The following MED13L variants were observed in gnomAD, a reference collection of about 807,000 sequenced individuals.
MED13L encodes mediator of RNA polymerase II transcription subunit 13-like.
Under a neutral mutation model 220.9 loss-of-function variants are expected in MED13L, and 7 were observed. The observed-to-expected ratio is 0.03, with a 90% CI of 0.02 to 0.06. MED13L has a LOEUF of 0.06. Ranked by LOEUF, MED13L falls within the 10% of genes least tolerant of loss-of-function variation. The probability of loss-of-function intolerance (pLI) is 1.00; values close to 1 mark genes in which losing one functional copy is unlikely to be tolerated. For missense variants in MED13L, 1,965 were observed against 2,760.5 expected, an observed-to-expected ratio of 0.71 and a Z score of 6.46; for synonymous variants, 1,011 against 1,015.2, an observed-to-expected ratio of 1.00 and a Z score of 0.08.
intron 4 of MED13L, among the ~76,000 whole-genome samples, chr12:116,085,771 C>CACAT (rs1871625264): frequency 6.6e-6 from 1 of 151,648 alleles, no homozygotes; most frequent in Non-Finnish European, 1.5e-5. Context: ...CACACACACA[C>CACAT]ACACACACAC....
chr12:115,973,983 A>G (rs74594204), intron 25 of MED13L, among the ~76,000 whole-genome samples: 7 of 152,284 alleles, frequency 4.6e-5, no homozygotes, highest in Non-Finnish European at 5.9e-5. Flanking sequence ...AGTGCAAGTT[A>G]TATCTGTACC....
chr12:116,095,629 G>GT (rs1407721248), intron 4 of MED13L, among the ~76,000 whole-genome samples: 24 of 152,272 alleles, frequency 1.6e-4, no homozygotes, highest in Non-Finnish European at 1.3e-4. Flanking sequence ...AAACTACTAT[G>GT]TAAGGCTTCA....
intron 4 of MED13L, among the ~76,000 whole-genome samples, chr12:116,087,361 A>C (rs1565870758): frequency 6.6e-6 from 1 of 152,238 alleles, no homozygotes; most frequent in Non-Finnish European, 1.5e-5. Flanking sequence ...CTAATGAGGA[A>C]AAAAATGTTA....
chr12:116,172,525 T>C (rs1199863708), intron 2 of MED13L, among the ~76,000 whole-genome samples: 2 of 152,338 alleles, frequency 1.3e-5, no homozygotes, highest in East Asian at 1.9e-4. Flanking sequence ...GTATATTTTA[T>C]ACAGTTTAAG....
chr12:116,110,769 A>T (rs1218287288), intron 3 of MED13L, among the ~76,000 whole-genome samples: 1 of 152,188 alleles, frequency 6.6e-6, no homozygotes, highest in African/African-American at 2.4e-5. Flanking sequence ...AAAACACAAC[A>T]TCACTTCTAT....
chr12:116,228,368 C>A (rs1259276889), intron 2 of MED13L, among the ~76,000 whole-genome samples: 1 of 152,126 alleles, frequency 6.6e-6, no homozygotes, highest in African/African-American at 2.4e-5. Flanking sequence ...TCAGGCTGGA[C>A]TGCAGTGGCA....
At chr12:116,083,686 C>T (rs901778164) in intron 4 of MED13L, among the ~76,000 whole-genome samples, 5 of 152,116 alleles carry the variant, frequency 3.3e-5, no homozygotes, top group South Asian at 2.1e-4. Flanking sequence ...GCTGCACGTA[C>T]AAAAAGTCAT....
In MED13L at chr12:115,986,253, G is replaced by A. The variant is rs752334461; in HGVS notation, c.4338+13C>T. Reference sequence around the variant, plus strand: ...CAAGTCATAAAAAGCAATTTTCACAGTAACTTCCTCACCTCGTATACAGCA... The same window carrying A: ...CAAGTCATAAAAAGCAATTTTCACAATAACTTCCTCACCTCGTATACAGCA... On this transcript the variant is annotated intron_variant, in intron 19 of 30. Coordinates refer to ENST00000281928, the MANE Select transcript of MED13L (RefSeq NM_015335.5). The A allele has an allele frequency of 2.0e-5, 32 of 1,611,200 alleles. No homozygotes were observed. Among genetic ancestry groups the A allele is most frequent in the African/African-American group, 2.7e-5 (2 of 74,834 alleles).
intron 4 of MED13L, among the ~76,000 whole-genome samples, chr12:116,043,664 T>C (rs1881666487): frequency 6.6e-6 from 1 of 152,216 alleles, no homozygotes; most frequent in Non-Finnish European, 1.5e-5. Context: ...TTTCATAGTA[T>C]GTGTGCATGC....
chr12:116,029,847 T>G (rs1223394187), intron 4 of MED13L, among the ~76,000 whole-genome samples: 1 of 152,176 alleles, frequency 6.6e-6, no homozygotes, highest in Non-Finnish European at 1.5e-5. Flanking sequence ...AAAGAACGTA[T>G]CCTCTTTCCA....
At chr12:116,209,600 C>G (rs983604762) in intron 2 of MED13L, among the ~76,000 whole-genome samples, 1 of 152,166 alleles carries the variant, frequency 6.6e-6, no homozygotes, top group African/African-American at 2.4e-5. Context: ...TCTAACCCAT[C>G]TGTCCTCTTC....
chr12:116,039,867 A>G (rs1881419112), intron 4 of MED13L, among the ~76,000 whole-genome samples: 1 of 152,154 alleles, frequency 6.6e-6, no homozygotes, highest in Non-Finnish European at 1.5e-5. Context: ...AACTGAGGAA[A>G]GAGGTCGGGG....
chr12:115,978,326 C>CTTTT (rs60887652), intron 23 of MED13L, among the ~76,000 whole-genome samples: 2 of 132,186 alleles, frequency 1.5e-5, no homozygotes, highest in Non-Finnish European at 3.3e-5. Flanking sequence ...AATTTTTTTT[C>CTTTT]TTTTTTTTTT....
intron 1 of MED13L, among the ~76,000 whole-genome samples, chr12:116,247,883 G>A (rs1871220673): frequency 6.6e-6 from 1 of 152,170 alleles, no homozygotes. Flanking sequence ...TAAACAATGT[G>A]AAGTAGATAT....
intron 2 of MED13L, among the ~76,000 whole-genome samples, chr12:116,119,838 A>AAAAAAAT (rs1555213242): frequency 2.2e-4 from 7 of 31,590 alleles, no homozygotes; most frequent in East Asian, 1.9e-3. Context: ...AAAAAAAAAA[A>AAAAAAAT]ATATATATAT....
Position 115,978,076 on chromosome 12 carries a change from C to T in MED13L, c.5365-2338G>A, listed in dbSNP as rs1877067060. 2.6e-5 allele frequency among the ~76,000 whole-genome samples: 4 copies of T among 152,040 alleles called. No homozygotes were observed. In the South Asian group the frequency reaches 8.3e-4, roughly 32 times the overall value. On this transcript the variant is annotated intron_variant, in intron 23 of 30. Coordinates refer to ENST00000281928, the MANE Select transcript of MED13L (RefSeq NM_015335.5). ...CCAGCGTGAGCAATATAATTAGACC[C>T]TGTCTAAAAAAGAAAAAAAAATCAT...
intron 23 of MED13L, 151 bp from the exon 24 acceptor site, chr12:115,975,889 G>C (rs964934085): frequency 1.4e-6 from 1 of 710,882 alleles, no homozygotes; most frequent in Non-Finnish European, 2.4e-6. Flanking sequence ...CACATAAATA[G>C]TACTGAGGAC....
chr12:116,260,612 T>C (rs1872442614), intron 1 of MED13L, among the ~76,000 whole-genome samples: 1 of 152,156 alleles, frequency 6.6e-6, no homozygotes, highest in African/African-American at 2.4e-5. Flanking sequence ...AATAGAATGA[T>C]AGGAACAAAA....
At chr12:116,121,941 C>A (rs1167833087) in intron 2 of MED13L, among the ~76,000 whole-genome samples, 3 of 152,048 alleles carry the variant, frequency 2.0e-5, no homozygotes, top group Non-Finnish European at 2.9e-5. Flanking sequence ...TCCAGAAACA[C>A]AAGTAAAGGA....
Sources: allele counts gnomAD v4.1 joint callset (sites outside exome capture counted in the v4.1 genomes callset), GRCh38; gene constraint gnomAD v4.1.1; transcripts MANE v1.5; gene names NCBI Gene and HGNC (gene_info 2026-07-23, HGNC 2026-07-21).